OR9Q1: variants seen among roughly 807,000 people sequenced by gnomAD.
OR9Q1 encodes the protein olfactory receptor family 9 subfamily Q member 1, also known as olfactory receptor 9Q1.
For missense variants in OR9Q1, 374 were observed against 378.8 expected (o/e 0.99, Z 0.11); for synonymous variants, 153 against 148.6 (o/e 1.03, Z -0.22).
intron 2 of OR9Q1, among the ~76,000 whole-genome samples, chr11:58,158,805 G>A (rs954559712): frequency 1.3e-5 from 2 of 152,154 alleles, no homozygotes; most frequent in Admixed American, 6.5e-5. Context: ...TGGGAACTGT[G>A]ATTAGCCACA....
intron 2 of OR9Q1, among the ~76,000 whole-genome samples, chr11:58,174,189 C>T (rs528423910): frequency 6.6e-6 from 1 of 152,114 alleles, no homozygotes; most frequent in Non-Finnish European, 1.5e-5. Context: ...ATGAGTAGAC[C>T]CGATGCAAGC....
chr11:58,098,073 C>T (rs148572751), intron 2 of OR9Q1, among the ~76,000 whole-genome samples: 56 of 152,268 alleles, frequency 3.7e-4, no homozygotes, highest in African/African-American at 1.2e-3. Flanking sequence ...AATTAAATCT[C>T]AATAAAGCTA....
chr11:58,032,160 A>G (rs1853048088), intron 1 of OR9Q1, among the ~76,000 whole-genome samples: 1 of 152,238 alleles, frequency 6.6e-6, no homozygotes, highest in Admixed American at 6.5e-5. Flanking sequence ...AAGAATCAAT[A>G]TCATTAAAAT....
At chr11:58,149,611 C>T (rs1427440210) in intron 2 of OR9Q1, among the ~76,000 whole-genome samples, 5 of 152,146 alleles carry the variant, frequency 3.3e-5, no homozygotes, top group Non-Finnish European at 5.9e-5. Context: ...CCCATTAACT[C>T]CCCATTTCTC....
intron 2 of OR9Q1, among the ~76,000 whole-genome samples, chr11:58,123,792 G>T (rs532138967): frequency 3.3e-5 from 5 of 152,016 alleles, no homozygotes; most frequent in African/African-American, 1.2e-4. Flanking sequence ...AAATCAAAGC[G>T]CCTCTCTAAA....
intron 2 of OR9Q1, among the ~76,000 whole-genome samples, chr11:58,075,655 G>A (rs1853532457): frequency 6.6e-6 from 1 of 152,204 alleles, no homozygotes; most frequent in Non-Finnish European, 1.5e-5. Flanking sequence ...GCCTTCACCA[G>A]ACATGGAATC....
chr11:58,166,555 C>A (rs1854507221), intron 2 of OR9Q1, among the ~76,000 whole-genome samples: 1 of 152,114 alleles, frequency 6.6e-6, no homozygotes, highest in East Asian at 1.9e-4. Context: ...TTTCCAATAA[C>A]AAACAATGTT....
At chr11:58,128,525 CAG>C (rs1854110859) in intron 2 of OR9Q1, among the ~76,000 whole-genome samples, 1 of 152,054 alleles carries the variant, frequency 6.6e-6, no homozygotes, top group Non-Finnish European at 1.5e-5. Context: ...GAAGTTTGAA[CAG>C]TATCTCACAG....
Position 58,118,876 on chromosome 11 carries a change from C to T in OR9Q1, c.-14-60555C>T, listed in dbSNP as rs759624892. 3.7e-6 allele frequency: 6 copies of T among 1,614,020 alleles called. No individual in the cohort carries two copies. Among genetic ancestry groups the T allele is most frequent in the Non-Finnish European group, 5.1e-6 (6 of 1,179,974 alleles). ...GACAATCTCGATGTTTGCTGTGTCA[C>T]TGCAGGCAAGCTTCAGCAGGGGTGG... is the stretch of plus-strand genomic sequence containing the variant. On this transcript the variant is annotated intron_variant, in intron 2 of 2. Transcript: ENST00000335397.
At chr11:58,030,754 T>G (rs922014543) in intron 1 of OR9Q1, among the ~76,000 whole-genome samples, 1 of 152,234 alleles carries the variant, frequency 6.6e-6, no homozygotes, top group Non-Finnish European at 1.5e-5. Flanking sequence ...CCAGTGCATT[T>G]CATTTTGTAC....
chr11:58,108,201 G>A (rs116165315), intron 2 of OR9Q1, among the ~76,000 whole-genome samples: 1 of 152,212 alleles, frequency 6.6e-6, no homozygotes, highest in African/African-American at 2.4e-5. Context: ...ATTTCACTGA[G>A]TTCATAGGTT....
chr11:58,031,680 C>T (rs562631153), intron 1 of OR9Q1: 2 of 1,613,854 alleles, frequency 1.2e-6, no homozygotes, highest in Non-Finnish European at 1.7e-6. Flanking sequence ...AAGGCCTTCT[C>T]TACCTGTGCA....
At chr11:58,036,176 A>G (rs1373182560) in intron 1 of OR9Q1, among the ~76,000 whole-genome samples, 1 of 152,214 alleles carries the variant, frequency 6.6e-6, no homozygotes, top group Non-Finnish European at 1.5e-5. Flanking sequence ...GTGCACATAT[A>G]GGACAGTGAA....
intron 1 of OR9Q1, chr11:58,031,496 T>G (rs1210412726): frequency 6.2e-7 from 1 of 1,614,062 alleles, no homozygotes; most frequent in African/African-American, 1.3e-5. Flanking sequence ...TGACCATTTC[T>G]CCTGTGATGC....
At chr11:58,139,683 T>C (rs1471159981) in intron 2 of OR9Q1, among the ~76,000 whole-genome samples, 2 of 152,132 alleles carry the variant, frequency 1.3e-5, no homozygotes, top group African/African-American at 4.8e-5. Flanking sequence ...CAGTCTATCA[T>C]TGTTGGACAT....
chr11:58,064,789 A>T (rs1853412541), intron 2 of OR9Q1, among the ~76,000 whole-genome samples: 1 of 152,100 alleles, frequency 6.6e-6, no homozygotes, highest in South Asian at 2.1e-4. Flanking sequence ...CATTCTAAAG[A>T]GCCACAAAAA....
chr11:58,137,979 G>A (rs1175526528), intron 2 of OR9Q1, among the ~76,000 whole-genome samples: 1 of 152,128 alleles, frequency 6.6e-6, no homozygotes, highest in East Asian at 1.9e-4. Context: ...CATCATTTGA[G>A]GTCTGTTAGT....
intron 2 of OR9Q1, among the ~76,000 whole-genome samples, chr11:58,088,721 C>T (rs1253750920): frequency 6.6e-6 from 1 of 151,644 alleles, no homozygotes; most frequent in Non-Finnish European, 1.5e-5. Context: ...TTCTGGATAT[C>T]AGACTTTTGT....
chr11:58,034,829 C>CCTTCCTTCCTTCCTTG (rs1853084846), intron 1 of OR9Q1, among the ~76,000 whole-genome samples: 1 of 130,326 alleles, frequency 7.7e-6, no homozygotes, highest in Non-Finnish European at 1.7e-5. Flanking sequence ...TTCCTTGCTT[C>CCTTCCTTCCTTCCTTG]CTTCCTTCAT....
Sources: allele counts gnomAD v4.1 joint callset (sites outside exome capture counted in the v4.1 genomes callset), GRCh38; gene constraint gnomAD v4.1.1; transcripts MANE v1.5; gene names NCBI Gene and HGNC (gene_info 2026-07-23, HGNC 2026-07-21).